Variants in HYCC1 observed in about 807,000 individuals in gnomAD.
HYCC1 encodes the protein hyccin PI4KA lipid kinase complex subunit 1.
the HYCC1 span, among the ~76,000 whole-genome samples, chr7:22,925,107 C>T: frequency 6.6e-6 from 1 of 152,222 alleles, no homozygotes; most frequent in African/African-American, 2.4e-5. Flanking sequence ...TCCAACAGAC[C>T]TGCAGCTGAG....
chr7:22,934,234 T>TTTTTTTTTC, the HYCC1 span: 2 of 122,482 alleles, frequency 1.6e-5, no homozygotes, highest in African/African-American at 6.7e-5. Flanking sequence ...TTTTTTTTTT[T>TTTTTTTTTC]CCCTCTCTGA....
At chr7:22,946,004 G>T in the HYCC1 span, 1 of 1,613,646 alleles carries the variant, frequency 6.2e-7, no homozygotes, top group Non-Finnish European at 8.5e-7. Flanking sequence ...GCTTCCTCCT[G>T]ACCGTCTGTG....
At chr7:22,904,430 C>CAA in the HYCC1 span, among the ~76,000 whole-genome samples, 1 of 132,224 alleles carries the variant, frequency 7.6e-6, no homozygotes, top group Non-Finnish European at 1.6e-5. Context: ...GACTCTGTCT[C>CAA]AAAAAAAAAA....
chr7:22,996,032 C>T, the HYCC1 span, among the ~76,000 whole-genome samples: 3 of 152,100 alleles, frequency 2.0e-5, no homozygotes, highest in African/African-American at 4.8e-5. Context: ...CGGTGGCTCA[C>T]GCCTGTAATC....
the HYCC1 span, among the ~76,000 whole-genome samples, chr7:22,931,847 G>T: frequency 6.6e-6 from 1 of 152,298 alleles, no homozygotes; most frequent in South Asian, 2.1e-4. Flanking sequence ...AAAATTGTGA[G>T]ATATAAACTT....
chr7:22,970,949 G>C, the HYCC1 span, among the ~76,000 whole-genome samples: 1 of 152,058 alleles, frequency 6.6e-6, no homozygotes, highest in African/African-American at 2.4e-5. Context: ...AGCTATGTCT[G>C]TATTAAATTT....
the HYCC1 span, among the ~76,000 whole-genome samples, chr7:22,947,812 A>G: frequency 6.6e-6 from 1 of 152,086 alleles, no homozygotes; most frequent in Non-Finnish European, 1.5e-5. Flanking sequence ...TTCATATATG[A>G]TATCATGGTT....
the HYCC1 span, among the ~76,000 whole-genome samples, chr7:22,921,511 T>C: frequency 6.6e-6 from 1 of 152,154 alleles, no homozygotes; most frequent in Non-Finnish European, 1.5e-5. Context: ...AGAATATAAA[T>C]ATTTGGTATG....
chr7:23,009,403 G>C, the HYCC1 span, among the ~76,000 whole-genome samples: 1 of 152,084 alleles, frequency 6.6e-6, no homozygotes, highest in East Asian at 1.9e-4. Flanking sequence ...TTCCTCTCTA[G>C]AAAAGAATCA....
At chr7:22,970,009 T>C in the HYCC1 span, among the ~76,000 whole-genome samples, 1 of 152,186 alleles carries the variant, frequency 6.6e-6, no homozygotes, top group Non-Finnish European at 1.5e-5. Context: ...ACTGTTGTTA[T>C]TATACAACTA....
At chr7:22,957,876 T>C in the HYCC1 span, among the ~76,000 whole-genome samples, 5 of 152,044 alleles carry the variant, frequency 3.3e-5, no homozygotes, top group Admixed American at 3.3e-4. Context: ...CACCCTGGGA[T>C]CTACAAGCCC....
the HYCC1 span, chr7:22,945,732 C>T: frequency 1.2e-6 from 2 of 1,613,672 alleles, no homozygotes; most frequent in Middle Eastern, 1.6e-4. Context: ...GCATCTGTCC[C>T]AGCCCCACAA....
the HYCC1 span, among the ~76,000 whole-genome samples, chr7:23,000,795 A>G: frequency 3.3e-5 from 5 of 152,178 alleles, no homozygotes; most frequent in East Asian, 7.7e-4. Context: ...GGCAACCACC[A>G]TGCTACAAGA....
At chr7:22,964,327 T>A in the HYCC1 span, 1 of 797,698 alleles carries the variant, frequency 1.3e-6, no homozygotes, top group Non-Finnish European at 2.2e-6. Context: ...ACTTATCTAT[T>A]GACATTATAA....
At chr7:22,999,518 G>T in the HYCC1 span, among the ~76,000 whole-genome samples, 1 of 152,122 alleles carries the variant, frequency 6.6e-6, no homozygotes, top group African/African-American at 2.4e-5. Flanking sequence ...AAATAACATG[G>T]TGATTAGAAA....
chr7:22,911,749 T>C, the HYCC1 span, among the ~76,000 whole-genome samples: 1 of 152,128 alleles, frequency 6.6e-6, no homozygotes, highest in Non-Finnish European at 1.5e-5. Context: ...ACAGCAAGAC[T>C]CCATATCAAA....
chr7:22,988,219 G>A, the HYCC1 span, among the ~76,000 whole-genome samples: 2 of 152,056 alleles, frequency 1.3e-5, no homozygotes, highest in African/African-American at 4.8e-5. Flanking sequence ...CCTTGAACTG[G>A]CTATAATACA....
At chr7:22,997,619 A>G in the HYCC1 span, among the ~76,000 whole-genome samples, 1 of 152,200 alleles carries the variant, frequency 6.6e-6, no homozygotes, top group Non-Finnish European at 1.5e-5. Flanking sequence ...GCTGCTTAGA[A>G]ACTGACCAAT....
chr7:22,939,731 T>C, the HYCC1 span: 1 of 152,174 alleles, frequency 6.6e-6, no homozygotes, highest in South Asian at 2.1e-4. Context: ...AAGACCTGTG[T>C]TCAAGGCTGA....
Sources: allele counts gnomAD v4.1 joint callset (sites outside exome capture counted in the v4.1 genomes callset), GRCh38; gene constraint gnomAD v4.1.1; transcripts MANE v1.5; gene names NCBI Gene and HGNC (gene_info 2026-07-23, HGNC 2026-07-21).